Variants in SIPA1L3 observed in about 807,000 individuals in gnomAD.
SIPA1L3 encodes signal induced proliferation associated 1 like 3.
SIPA1L3 carries 59 observed loss-of-function variants against 150.1 expected under a neutral mutation model. The ratio of observed to expected loss-of-function variants is 0.39; its 90% CI spans 0.32 to 0.49. The LOEUF is 0.49. Ranked by LOEUF, SIPA1L3 falls within the 20% of genes least tolerant of loss-of-function variation. The probability of loss-of-function intolerance (pLI) is 0.86; values close to 1 mark genes in which losing one functional copy is unlikely to be tolerated. For missense variants in SIPA1L3, 2,211 were observed against 2,489.5 expected (o/e 0.89, Z 2.38); for synonymous variants, 1,070 against 1,077.6 (o/e 0.99, Z 0.14).
At chr19:38,028,847 C>T (rs140166825) in intron 1 of SIPA1L3, among the ~76,000 whole-genome samples, 1,594 of 152,162 alleles carry the variant, frequency 0.01, 31 homozygotes, top group African/African-American at 0.037. Context: ...CGCCCACCAC[C>T]ACGCCCGGCT....
intron 13 of SIPA1L3, among the ~76,000 whole-genome samples, chr19:38,158,186 T>C (rs983551831): frequency 1.3e-5 from 2 of 151,870 alleles, no homozygotes; most frequent in African/African-American, 2.4e-5. Flanking sequence ...TGAGCCGAGA[T>C]TGTGCCACTG....
At position 38,053,680 on chromosome 19, in the gene SIPA1L3, C is replaced by T. The variant is rs559004133; in HGVS notation, c.-311+24524C>T. On this transcript the variant is annotated intron_variant, in intron 2 of 21. Coordinates refer to ENST00000222345, the MANE Select transcript of SIPA1L3 (RefSeq NM_015073.3). Reference sequence around the variant, plus strand: ...CAAGCGATCCTCCCACCTCAGCCTCCCAAGTAGCTGGGATCACAGGCGTGT... The same window carrying T: ...CAAGCGATCCTCCCACCTCAGCCTCTCAAGTAGCTGGGATCACAGGCGTGT... Among the ~76,000 whole-genome samples the T allele has an allele frequency of 1.2e-4, 19 of 152,228 alleles. No homozygotes were observed. In the East Asian group the frequency reaches 3.7e-3, roughly 30 times the overall value.
At chr19:38,073,203 A>T (rs1969760679) in intron 2 of SIPA1L3, among the ~76,000 whole-genome samples, 1 of 152,156 alleles carries the variant, frequency 6.6e-6, no homozygotes, top group Non-Finnish European at 1.5e-5. Context: ...TTTGCCCATG[A>T]TTCAGTGGGA....
intron 1 of SIPA1L3, among the ~76,000 whole-genome samples, chr19:37,990,130 C>T (rs141518073): frequency 1.3e-5 from 2 of 152,170 alleles, no homozygotes; most frequent in Non-Finnish European, 2.9e-5. Context: ...CCTGTTTCTG[C>T]CCTACGGCCG....
chr19:37,971,187 C>T (rs1966922217), intron 1 of SIPA1L3, among the ~76,000 whole-genome samples: 1 of 151,934 alleles, frequency 6.6e-6, no homozygotes, highest in Admixed American at 6.6e-5. Flanking sequence ...CACTCTGTTG[C>T]CCAGGCAGGT....
At chr19:37,929,370 A>G (rs909585828) in intron 1 of SIPA1L3, among the ~76,000 whole-genome samples, 1 of 152,202 alleles carries the variant, frequency 6.6e-6, no homozygotes, top group East Asian at 1.9e-4. Context: ...GGGAAAGCAT[A>G]ATGCCCATGC....
At chr19:38,100,929 G>A in intron 5 of SIPA1L3, 123 bp from the exon 6 acceptor site, 1 of 1,138,156 alleles carries the variant, frequency 8.8e-7, no homozygotes, top group Non-Finnish European at 1.2e-6. Flanking sequence ...TCTGGCTATG[G>A]CTCTGGGTTC....
intron 1 of SIPA1L3, among the ~76,000 whole-genome samples, chr19:37,954,207 C>G (rs751090305): frequency 2.6e-5 from 4 of 151,948 alleles, no homozygotes; most frequent in Admixed American, 1.3e-4. Context: ...GAAAAATGTT[C>G]CCTTTGAACA....
intron 1 of SIPA1L3, among the ~76,000 whole-genome samples, chr19:37,920,046 T>G (rs1393187075): frequency 6.6e-6 from 1 of 150,496 alleles, no homozygotes; most frequent in Admixed American, 6.6e-5. Flanking sequence ...GGCCAGTGCT[T>G]CTTGGTTTGT....
intron 13 of SIPA1L3, among the ~76,000 whole-genome samples, chr19:38,161,247 C>A (rs992642828): frequency 3.4e-5 from 5 of 147,234 alleles, no homozygotes; most frequent in Admixed American, 7.1e-5. Flanking sequence ...GAGGCTGAGG[C>A]AGGAGAATCA....
Position 38,198,380 on chromosome 19 carries a change from C to G in SIPA1L3, c.4841-9C>G, listed in dbSNP as rs1010002874. 15 of 1,534,664 alleles carry G rather than the reference C, an allele frequency of 9.8e-6. No individual in the cohort carries two copies. The highest frequency in any genetic ancestry group is 1.3e-5 in the Non-Finnish European group (15 of 1,142,650). Reference sequence around the variant, plus strand: ...CTCAACCACTGCCATCTCCACCCTCCCCATCCAGCCACCATCTCAGCCTCG... The same window carrying G: ...CTCAACCACTGCCATCTCCACCCTCGCCATCCAGCCACCATCTCAGCCTCG... On this transcript the variant is annotated splice_polypyrimidine_tract_variant and intron_variant, in intron 18 of 21. Transcript: ENST00000222345.
intron 3 of SIPA1L3, among the ~76,000 whole-genome samples, chr19:38,088,054 G>A (rs957083648): frequency 3.3e-5 from 5 of 152,216 alleles, no homozygotes; most frequent in African/African-American, 1.2e-4. Flanking sequence ...CCTAGGTAAA[G>A]AAACATGGTG....
chr19:38,183,364 G>T (rs1972603879), intron 16 of SIPA1L3, among the ~76,000 whole-genome samples: 1 of 152,146 alleles, frequency 6.6e-6, no homozygotes. Context: ...GCAGGGTGGG[G>T]GCGGAGAGGG....
intron 15 of SIPA1L3, among the ~76,000 whole-genome samples, chr19:38,179,815 C>G (rs10420506): frequency 0.17 from 25,239 of 152,010 alleles, 2,458 homozygotes; most frequent in African/African-American, 0.27. Flanking sequence ...AGGTCATTGT[C>G]TAGAGTCATT....
At chr19:38,141,085 C>CCA in intron 10 of SIPA1L3, 99 bp from the exon 11 acceptor site, 2 of 919,902 alleles carry the variant, frequency 2.2e-6, no homozygotes, top group Non-Finnish European at 1.6e-6. Context: ...AAAAAAAAGC[C>CCA]ATCCCGGTTT....
intron 11 of SIPA1L3, 51 bp from the exon 12 acceptor site, chr19:38,142,522 G>C (rs780713935): frequency 6.4e-7 from 1 of 1,553,648 alleles, no homozygotes; most frequent in East Asian, 2.3e-5. Flanking sequence ...CCCAGGGCAG[G>C]GGTACCCTCC....
chr19:38,144,904 G>A (rs1971672069), intron 12 of SIPA1L3, among the ~76,000 whole-genome samples: 2 of 152,190 alleles, frequency 1.3e-5, no homozygotes, highest in African/African-American at 4.8e-5. Context: ...ACTAATAGGA[G>A]TCTGCGACAG....
chr19:38,152,520 A>G (rs1971845088), intron 12 of SIPA1L3, among the ~76,000 whole-genome samples: 1 of 152,110 alleles, frequency 6.6e-6, no homozygotes, highest in Non-Finnish European at 1.5e-5. Flanking sequence ...CAGCCAGAAA[A>G]CAGGACCCCT....
chr19:37,955,596 G>C (rs1310889892), intron 1 of SIPA1L3, among the ~76,000 whole-genome samples: 2 of 152,100 alleles, frequency 1.3e-5, no homozygotes, highest in Non-Finnish European at 2.9e-5. Context: ...TGCGTTTCCT[G>C]AACATTTCAA....
Sources: gnomAD v4.1 joint callset for allele counts (sites outside exome capture counted in the v4.1 genomes callset) on GRCh38, gnomAD v4.1.1 for gene constraint, MANE v1.5 for transcripts, NCBI Gene and HGNC (gene_info 2026-07-23, HGNC 2026-07-21) for gene names.